The following NHS variants were observed in gnomAD, a reference collection of about 807,000 sequenced individuals.
NHS encodes the protein NHS actin remodeling regulator, also known as actin remodeling regulator NHS.
In NHS, 5 loss-of-function variants were observed where a neutral mutation model predicts 72.5. The ratio of observed to expected loss-of-function variants is 0.07; its 90% confidence interval spans 0.04 to 0.14. The LOEUF (loss-of-function observed/expected upper bound fraction) is 0.14. Among genes scored for constraint, NHS ranks in the 10% least tolerant of loss-of-function variants. The probability of loss-of-function intolerance (pLI) is 1.00; values close to 1 mark genes in which losing one functional copy is unlikely to be tolerated. For synonymous variants in NHS, 464 were observed against 547.7 expected, an observed-to-expected ratio of 0.85 and a Z score of 2.13; for missense variants, 1,072 against 1,355.7, an observed-to-expected ratio of 0.79 and a Z score of 3.29.
chrX:17,409,341 G>A (rs893411755), intron 1 of NHS, among the ~76,000 whole-genome samples: 1 of 109,147 alleles, frequency 9.2e-6, no homozygotes. Context: ...TTGAACATAG[G>A]TTTACTGTGC....
intron 1 of NHS, among the ~76,000 whole-genome samples, chrX:17,442,981 T>C (rs1368600843): frequency 8.9e-6 from 1 of 111,827 alleles, no homozygotes; most frequent in East Asian, 2.8e-4. Context: ...TTCTAAAGAC[T>C]GCTACACTGA....
chrX:17,624,764 T>C (rs1256672781), intron 1 of NHS, among the ~76,000 whole-genome samples: 2 of 112,789 alleles, frequency 1.8e-5, no homozygotes, highest in African/African-American at 6.4e-5. Flanking sequence ...GAGAAAGCCC[T>C]CAGGCAGAAC....
At chrX:17,482,698 G>A (rs2064951080) in intron 1 of NHS, among the ~76,000 whole-genome samples, 1 of 112,124 alleles carries the variant, frequency 8.9e-6, no homozygotes, top group South Asian at 3.7e-4. Flanking sequence ...GTGCTGTCAT[G>A]GATTGGAGAG....
At chrX:17,723,727 G>GT (rs35314025) in intron 5 of NHS, among the ~76,000 whole-genome samples, 1 of 4,683 alleles carries the variant, frequency 2.1e-4, no homozygotes, top group African/African-American at 3.9e-4. Flanking sequence ...AGCAAAAGAG[G>GT]TGTGTGTGTG....
intron 1 of NHS, among the ~76,000 whole-genome samples, chrX:17,559,644 A>G (rs1425644135): frequency 1.8e-5 from 2 of 111,909 alleles, no homozygotes; most frequent in Non-Finnish European, 3.8e-5. Flanking sequence ...CAGATTCTTC[A>G]TCTCTTTGCC....
intron 5 of NHS, among the ~76,000 whole-genome samples, chrX:17,722,225 G>C (rs774261425): frequency 4.5e-5 from 5 of 111,821 alleles, no homozygotes; most frequent in African/African-American, 1.6e-4. Flanking sequence ...TATTAGTCTA[G>C]ATAGAATGGA....
Position 17,447,785 on chromosome X carries a change from G to GCACACACACA in NHS, c.565+71488_565+71497dup, listed in dbSNP as rs58710651. 1.3e-3 allele frequency among the ~76,000 whole-genome samples: 119 copies of GCACACACACA among 89,664 alleles called. 1 individual carries two copies. The highest frequency in any genetic ancestry group is 4.6e-3 in the African/African-American group (116 of 25,182). 77.9% of individuals were successfully genotyped at this position (89,664 alleles called of 115,157 possible). On this transcript the variant is annotated intron_variant, in intron 1 of 8. Transcript: ENST00000676302. ...CACACACACACACGCACACACACACGCACACACACACACACACACACACAC... is the reference window on the plus strand; with the variant it reads ...CACACACACACACGCACACACACACGCACACACACACACACACACACACACACACACACAC...
chrX:17,535,753 A>G (rs2065220140), intron 1 of NHS, among the ~76,000 whole-genome samples: 1 of 110,836 alleles, frequency 9.0e-6, no homozygotes, highest in African/African-American at 3.3e-5. Context: ...TATTTTTTAA[A>G]AAGCTTTTTG....
chrX:17,598,674 A>G (rs953831282), intron 1 of NHS, among the ~76,000 whole-genome samples: 4 of 111,905 alleles, frequency 3.6e-5, no homozygotes, highest in African/African-American at 1.3e-4. Context: ...GATTTGAACC[A>G]AGGCAATCTA....
Position 17,725,347 on chromosome X carries a change from A to T in NHS, c.1241A>T (p.Asp414Val). The stretch of plus-strand genomic sequence containing the variant: ...TCACTGTGCTTTCCATGTGCCCTAG[A>T]TTCTGATGAATCACCAGTGGCCAGG... ...GIPRRVQQEI[D>V]SDESPVARER... is the part of the protein sequence containing the mutation. The change falls in exon 7 of 9, where the codon GAT becomes GTT. Residue 414 changes from aspartate to valine, a missense_variant and splice_region_variant. By Grantham distance (152) the Asp-to-Val change is radical. Coordinates refer to ENST00000676302, the MANE Select transcript of NHS (RefSeq NM_001291867.2). 3 of 1,206,230 alleles carry T rather than the reference A, an allele frequency of 2.5e-6. No homozygotes were observed. The highest frequency in any genetic ancestry group is 2.2e-6 in the Non-Finnish European group (2 of 891,132).
chrX:17,511,254 A>G (rs1272792334), intron 1 of NHS, among the ~76,000 whole-genome samples: 3 of 111,359 alleles, frequency 2.7e-5, no homozygotes, highest in African/African-American at 9.8e-5. Flanking sequence ...AAATGACCAT[A>G]GCCTGCCTGC....
At chrX:17,429,224 A>ACG (rs1188907223) in intron 1 of NHS, among the ~76,000 whole-genome samples, 81 of 96,847 alleles carry the variant, frequency 8.4e-4, no homozygotes, top group African/African-American at 2.9e-3. Flanking sequence ...GTACTGGGGG[A>ACG]TGTGTGTGTG....
intron 1 of NHS, among the ~76,000 whole-genome samples, chrX:17,638,152 A>G (rs1415903034): frequency 4.5e-5 from 5 of 111,686 alleles, no homozygotes; most frequent in East Asian, 2.8e-4. Flanking sequence ...AGCTACTGTC[A>G]TTATGTGTTC....
chrX:17,649,682 G>C (rs1165902820), intron 1 of NHS, among the ~76,000 whole-genome samples: 1 of 111,853 alleles, frequency 8.9e-6, no homozygotes, highest in Admixed American at 9.5e-5. Context: ...GGTCACAATA[G>C]AGTAGTTTAT....
Position 17,687,600 on chromosome X carries a change from T to C in NHS, c.566-142T>C, listed in dbSNP as rs769910916. ...TAAATGCCAAACCTTTCTCCGGCCT[T>C]GAGTTAGTTCTTAATGTGAATGCAG... On this transcript the variant is annotated intron_variant, in intron 1 of 8. Transcript: ENST00000676302. 4.2e-4 allele frequency: 310 copies of C among 739,627 alleles called. No individual in the cohort carries two copies. The African/African-American group carries it at 5.5e-3, about 13-fold the overall frequency. 61.0% of individuals were successfully genotyped at this position (739,627 alleles called of 1,213,427 possible). A position where few individuals can be genotyped will look rare whatever the true frequency, so the allele number is the denominator to read the frequency against.
intron 3 of NHS, among the ~76,000 whole-genome samples, chrX:17,707,047 A>T (rs1316049660): frequency 9.0e-6 from 1 of 111,430 alleles, no homozygotes; most frequent in Non-Finnish European, 1.9e-5. Flanking sequence ...GTCCATGAGG[A>T]CCCTTGAAGC....
intron 1 of NHS, among the ~76,000 whole-genome samples, chrX:17,420,860 T>C (rs991641463): frequency 1.8e-5 from 2 of 111,371 alleles, no homozygotes; most frequent in African/African-American, 6.5e-5. Flanking sequence ...AATACTAAGT[T>C]CTCCTTTGGC....
chrX:17,585,852 G>GA (rs896543170), intron 1 of NHS: 6 of 108,047 alleles, frequency 5.6e-5, no homozygotes, highest in Non-Finnish European at 1.2e-4. Context: ...TTTATGAAGT[G>GA]AAAAAAAGAA....
chrX:17,489,067 T>C (rs1268268563), intron 1 of NHS, among the ~76,000 whole-genome samples: 1 of 111,903 alleles, frequency 8.9e-6, no homozygotes, highest in Non-Finnish European at 1.9e-5. Context: ...CTGTGTTAGT[T>C]TGCTGAGAAT....
Sources: allele counts gnomAD v4.1 joint callset (sites outside exome capture counted in the v4.1 genomes callset), GRCh38; gene constraint gnomAD v4.1.1; transcripts MANE v1.5; gene names NCBI Gene and HGNC (gene_info 2026-07-23, HGNC 2026-07-21).